Variants in MYO9A observed in about 807,000 individuals in gnomAD.
MYO9A encodes unconventional myosin-IXa.
A neutral mutation model predicts 293.3 loss-of-function variants in MYO9A; 103 were observed. The ratio of observed to expected loss-of-function variants is 0.35; its 90% CI spans 0.30 to 0.41. The LOEUF (loss-of-function observed/expected upper bound fraction) is 0.41, where lower values mean the gene tolerates loss of function less well. Ranked by LOEUF, MYO9A falls within the 10% of genes least tolerant of loss-of-function variation. The pLI is 1.00. For synonymous variants in MYO9A, 1,001 were observed against 1,035.7 expected (o/e 0.97, Z 0.64); for missense variants, 2,685 against 3,033.0 (o/e 0.89, Z 2.69).
chr15:72,060,182 T>C (rs2078840978), intron 1 of MYO9A, among the ~76,000 whole-genome samples: 1 of 152,172 alleles, frequency 6.6e-6, no homozygotes, highest in Non-Finnish European at 1.5e-5. Context: ...TATTTATTAC[T>C]AGACCTCAAC....
chr15:72,085,836 G>A (rs374854335), intron 1 of MYO9A, among the ~76,000 whole-genome samples: 219 of 152,254 alleles, frequency 1.4e-3, no homozygotes, highest in African/African-American at 4.6e-3. Flanking sequence ...TGACCTTGAG[G>A]GTTTGATTGT....
chr15:71,893,574 G>A (rs907425589), intron 26 of MYO9A, 105 bp downstream of exon 26: 4 of 819,874 alleles, frequency 4.9e-6, no homozygotes, highest in Non-Finnish European at 7.7e-6. Context: ...AAACACTTGG[G>A]AGTAAATGGG....
At position 71,897,778 on chromosome 15, in the gene MYO9A, C is replaced by A. The variant is rs531275220; in HGVS notation, c.4725G>T (p.Gly1575=). Residue 1575 remains glycine, a synonymous_variant, in exon 25 of 42, where the codon GGG becomes GGT. Transcript: ENST00000356056. ...GAGCTGCATCTTTTAATGATAGGGACCCCAGTACATTAAGTTCTCCCTTAT... is the reference window on the plus strand; with the variant it reads ...GAGCTGCATCTTTTAATGATAGGGAACCCAGTACATTAAGTTCTCCCTTAT... ...TSNKGELNVL[G]SLSLKDAALA... is the part of the protein sequence containing the mutation. 50 of 1,613,928 alleles carry A rather than the reference C, an allele frequency of 3.1e-5. No individual in the cohort carries two copies. In the East Asian group the frequency reaches 1.0e-3, roughly 32 times the overall value.
In MYO9A at chr15:71,880,365, T is replaced by C. The variant is rs751439879; in HGVS notation, c.5592A>G (p.Leu1864=). 11 of 1,614,192 alleles carry C rather than the reference T, an allele frequency of 6.8e-6. No homozygotes were observed. In the Admixed American group the frequency reaches 1.8e-4, roughly 27 times the overall value. ...SVQIIASVSD[L]KSMDEFLLKK... ...TCAGAAGAAATTCATCCATGCTTTT[T>C]AAATCACTGACACTTGCTATGATCT... The change falls in exon 29 of 42, where the codon TTA becomes TTG. Residue 1864 remains leucine (L), a synonymous_variant. Coordinates refer to ENST00000356056, the MANE Select transcript of MYO9A (RefSeq NM_006901.4).
At chr15:71,920,366 G>A (rs1433154084) in intron 18 of MYO9A, among the ~76,000 whole-genome samples, 2 of 152,054 alleles carry the variant, frequency 1.3e-5, no homozygotes, top group African/African-American at 4.8e-5. Context: ...AGTATTAAGA[G>A]GCGAAGGGGA....
intron 30 of MYO9A, among the ~76,000 whole-genome samples, chr15:71,878,488 C>A (rs185861826): frequency 6.6e-6 from 1 of 152,090 alleles, no homozygotes; most frequent in Non-Finnish European, 1.5e-5. Context: ...AATTTCTCTT[C>A]TAAGTGTGAC....
At chr15:71,888,732 TGAG>T (rs1299624245) in intron 26 of MYO9A, 1 of 152,266 alleles carries the variant, frequency 6.6e-6, no homozygotes, top group Non-Finnish European at 1.5e-5. Context: ...AATCCTGTTC[TGAG>T]GAGAGAATTT....
At chr15:71,865,173 C>T (rs1479183867) in intron 32 of MYO9A, among the ~76,000 whole-genome samples, 2 of 152,108 alleles carry the variant, frequency 1.3e-5, no homozygotes, top group Non-Finnish European at 2.9e-5. Context: ...TTGGCAGATA[C>T]AAGTTTTCCA....
At chr15:71,944,449 G>A (rs2058859005) in intron 15 of MYO9A, among the ~76,000 whole-genome samples, 1 of 151,934 alleles carries the variant, frequency 6.6e-6, no homozygotes, top group Non-Finnish European at 1.5e-5. Flanking sequence ...TGTTTCTCAG[G>A]TTTTCTTCTA....
intron 19 of MYO9A, among the ~76,000 whole-genome samples, 196 bp downstream of exon 19, chr15:71,916,174 A>C (rs530468668): frequency 6.6e-6 from 1 of 152,234 alleles, no homozygotes; most frequent in East Asian, 1.9e-4. Context: ...ATCCAGACAT[A>C]TGTGGATGAA....
rs780547011 is a variant in MYO9A, at chr15:71,826,694, T to G, written c.7533A>C (p.Lys2511Asn). 13 of 1,614,090 alleles carry G rather than the reference T, an allele frequency of 8.1e-6. No individual in the cohort carries two copies. The highest frequency in any genetic ancestry group is 1.1e-5 in the Non-Finnish European group (13 of 1,179,978). Residue 2511 changes from lysine to asparagine, a missense_variant, in exon 42 of 42, where the codon AAA becomes AAC. Coordinates refer to ENST00000356056, the MANE Select transcript of MYO9A (RefSeq NM_006901.4). ...CTGTCCCCTCTGGGGTCTCTTTGGT[T>G]TTCTGAGGTGAGTTTTTCACATTCT... ...KLKNVKNSPQKTKETPEGTVM... is the reference protein window; with the variant it reads ...KLKNVKNSPQNTKETPEGTVM...
At chr15:72,021,933 ACCTAGCT>A in intron 4 of MYO9A, among the ~76,000 whole-genome samples, 1 of 152,248 alleles carries the variant, frequency 6.6e-6, no homozygotes, top group East Asian at 1.9e-4. Context: ...TTTGTGAAAT[ACCTAGCT>A]GAGTGTTGAA....
intron 1 of MYO9A, among the ~76,000 whole-genome samples, chr15:72,097,625 A>G (rs1056888058): frequency 6.6e-6 from 1 of 152,222 alleles, no homozygotes; most frequent in African/African-American, 2.4e-5. Flanking sequence ...GGAGATCCAG[A>G]AAAAGAAAGA....
intron 2 of MYO9A, among the ~76,000 whole-genome samples, chr15:72,040,831 A>G (rs2078206267): frequency 6.6e-6 from 1 of 152,260 alleles, no homozygotes; most frequent in African/African-American, 2.4e-5. Context: ...CAAATGTTTT[A>G]AACTAAATAA....
At chr15:72,022,920 C>T (rs1220811147) in intron 4 of MYO9A, among the ~76,000 whole-genome samples, 2 of 151,896 alleles carry the variant, frequency 1.3e-5, no homozygotes, top group South Asian at 4.2e-4. Flanking sequence ...ACAGTATAGC[C>T]GATACAAAGT....
chr15:72,017,592 C>T (rs892706646), intron 6 of MYO9A, among the ~76,000 whole-genome samples: 4 of 151,968 alleles, frequency 2.6e-5, no homozygotes, highest in Non-Finnish European at 5.9e-5. Context: ...AATGTTAAAT[C>T]TAAACTCCAA....
intron 25 of MYO9A, among the ~76,000 whole-genome samples, chr15:71,894,658 T>C (rs753197613): frequency 6.6e-5 from 10 of 152,198 alleles, no homozygotes; most frequent in Non-Finnish European, 7.3e-5. Context: ...GAAATTGTTA[T>C]CAAACTAAAA....
chr15:71,987,651 C>T lies in MYO9A; in HGVS notation c.1722+3452G>A, dbSNP rs192355733. The stretch of plus-strand genomic sequence containing the variant: ...TGCATGGCAATTATTACATCTCTCT[C>T]CCATCCTATATGCCTATGTACTCCT... On this transcript the variant is annotated intron_variant, in intron 11 of 41. Transcript: ENST00000356056. Among the ~76,000 whole-genome samples, 151 of 152,276 alleles carry T rather than the reference C, an allele frequency of 9.9e-4. 1 individual carries two copies. The Middle Eastern group carries it at 0.01, about 10-fold the overall frequency.
At chr15:71,849,247 C>T (rs995836194) in intron 38 of MYO9A, among the ~76,000 whole-genome samples, 3 of 152,028 alleles carry the variant, frequency 2.0e-5, no homozygotes, top group African/African-American at 7.2e-5. Context: ...GTCAGGAGTT[C>T]GAGACCAACC....
Sources: allele counts gnomAD v4.1 joint callset (sites outside exome capture counted in the v4.1 genomes callset), GRCh38; gene constraint gnomAD v4.1.1; transcripts MANE v1.5; gene names NCBI Gene and HGNC (gene_info 2026-07-23, HGNC 2026-07-21).